SERGEF: variants seen among roughly 807,000 people sequenced by gnomAD.
SERGEF encodes secretion regulating guanine nucleotide exchange factor.
In SERGEF, 51 loss-of-function variants were observed where a neutral mutation model predicts 50.0. That is an observed-to-expected ratio of 1.02 (90% CI 0.81 to 1.29). SERGEF has a LOEUF of 1.29. Ranked by LOEUF, SERGEF falls within the 50% of genes most tolerant of loss-of-function variation. SERGEF has a pLI of 0.00. For synonymous variants in SERGEF, 205 were observed against 212.4 expected, an observed-to-expected ratio of 0.97 and a Z score of 0.30; for missense variants, 521 against 557.0, an observed-to-expected ratio of 0.94 and a Z score of 0.65.
At chr11:17,912,266 AG>A (rs1282083413) in intron 9 of SERGEF, among the ~76,000 whole-genome samples, 4 of 152,260 alleles carry the variant, frequency 2.6e-5, no homozygotes, top group African/African-American at 4.8e-5. Flanking sequence ...TAGATGCCAG[AG>A]AAAAGTCAAG....
At chr11:17,821,511 T>G (rs1168579688) in intron 10 of SERGEF, among the ~76,000 whole-genome samples, 1 of 152,150 alleles carries the variant, frequency 6.6e-6, no homozygotes, top group African/African-American at 2.4e-5. Flanking sequence ...GCTCCATACA[T>G]TTTTTTAAAT....
chr11:18,013,044 C>A lies in SERGEF; in HGVS notation c.-34G>T, dbSNP rs1237613382. ...GCTCCGCCGGCGCTTCCGGGAGGGACGGCACGGGGGCGGCGCCTGCCGGGG... is the reference window on the plus strand; with the variant it reads ...GCTCCGCCGGCGCTTCCGGGAGGGAAGGCACGGGGGCGGCGCCTGCCGGGG... On this transcript the variant is annotated 5_prime_UTR_variant, in exon 1 of 11. Transcript: ENST00000265965. This position sits in a 1 kb window ranked among gnomAD's most constrained non-coding sequence, Gnocchi z 4.3. The A allele has an allele frequency of 3.0e-6, 4 of 1,340,230 alleles. No individual in the cohort carries two copies. The highest frequency in any genetic ancestry group is 1.9e-5 in the South Asian group (1 of 51,982). The allele number at this position is 1,340,230 out of a possible 1,614,324, so 83.0% of individuals were successfully genotyped here.
intron 9 of SERGEF, among the ~76,000 whole-genome samples, chr11:17,952,348 A>G (rs1405641071): frequency 6.6e-6 from 1 of 152,194 alleles, no homozygotes; most frequent in Non-Finnish European, 1.5e-5. Flanking sequence ...AGTTCAATGA[A>G]AGCACTCTCT....
chr11:17,833,234 G>C (rs936288002), intron 10 of SERGEF, among the ~76,000 whole-genome samples: 1 of 152,174 alleles, frequency 6.6e-6, no homozygotes, highest in African/African-American at 2.4e-5. Context: ...GGCTGAAAGG[G>C]GCCAACGTAG....
intron 9 of SERGEF, among the ~76,000 whole-genome samples, chr11:17,910,532 C>A (rs1851932718): frequency 6.6e-6 from 1 of 152,170 alleles, no homozygotes; most frequent in Non-Finnish European, 1.5e-5. Flanking sequence ...GGGATTATAG[C>A]CATGAGCCAT....
At chr11:17,830,649 G>GGGGA (rs1850285342) in intron 10 of SERGEF, among the ~76,000 whole-genome samples, 3 of 77,726 alleles carry the variant, frequency 3.9e-5, no homozygotes, top group South Asian at 7.2e-4. Flanking sequence ...GGAGAGGGAG[G>GGGGA]GAGAGAGAGA....
intron 10 of SERGEF, among the ~76,000 whole-genome samples, chr11:17,803,514 C>G (rs1849707411): frequency 6.6e-6 from 1 of 152,214 alleles, no homozygotes; most frequent in South Asian, 2.1e-4. Flanking sequence ...CTGTATATAC[C>G]TAATTCTTGG....
intron 5 of SERGEF, among the ~76,000 whole-genome samples, chr11:17,996,865 G>C (rs1409963635): frequency 6.6e-6 from 1 of 151,196 alleles, no homozygotes; most frequent in Non-Finnish European, 1.5e-5. Context: ...ATAGCTGACA[G>C]GAGATGAATA....
intron 7 of SERGEF, among the ~76,000 whole-genome samples, chr11:17,989,790 T>C (rs2133997373): frequency 6.6e-6 from 1 of 152,336 alleles, no homozygotes; most frequent in South Asian, 2.1e-4. Flanking sequence ...AATGCTACTC[T>C]CTCACACAAT....
chr11:17,894,379 T>C (rs1377442376), intron 9 of SERGEF, among the ~76,000 whole-genome samples: 1 of 152,206 alleles, frequency 6.6e-6, no homozygotes, highest in African/African-American at 2.4e-5. Flanking sequence ...CCACATTTTA[T>C]AGATTAACTG....
chr11:17,967,420 ATGAG>A (rs1304767936), intron 8 of SERGEF, among the ~76,000 whole-genome samples: 3 of 152,210 alleles, frequency 2.0e-5, no homozygotes, highest in Non-Finnish European at 2.9e-5. Flanking sequence ...AGCCCAGCTG[ATGAG>A]TGAGTGAGCT....
chr11:17,947,771 G>A (rs919207527), intron 9 of SERGEF, among the ~76,000 whole-genome samples: 8 of 152,084 alleles, frequency 5.3e-5, no homozygotes, highest in Non-Finnish European at 1.2e-4. Context: ...CCAGGTTTTG[G>A]TTCCCTCATC....
At chr11:17,826,484 G>A (rs187962991) in intron 10 of SERGEF, among the ~76,000 whole-genome samples, 247 of 152,314 alleles carry the variant, frequency 1.6e-3, no homozygotes, top group African/African-American at 5.7e-3. Flanking sequence ...AGACACTGAG[G>A]AATTTGGAGC....
In SERGEF at chr11:17,888,801, G is replaced by A. The variant is rs975727970; in HGVS notation, c.1012-10557C>T. On this transcript the variant is annotated intron_variant, in intron 9 of 10. Coordinates refer to ENST00000265965, the MANE Select transcript of SERGEF (RefSeq NM_012139.4). The surrounding 1 kb of genome is among the most constrained non-coding windows in gnomAD (Gnocchi z 4.1). ...CAACTAAGAGGGATCAGAGCTCCTC[G>A]GAGAAAAGGCTGATTCTAGGGTTGG... Among the ~76,000 whole-genome samples, 11 of 152,120 alleles carry A rather than the reference G, an allele frequency of 7.2e-5. No individual in the cohort carries two copies. The highest frequency in any genetic ancestry group is 4.1e-4 in the South Asian group (2 of 4,824).
chr11:17,961,906 T>C (rs1158884483), intron 8 of SERGEF, among the ~76,000 whole-genome samples: 1 of 152,228 alleles, frequency 6.6e-6, no homozygotes, highest in African/African-American at 2.4e-5. Flanking sequence ...AACAGACATT[T>C]ACTGACCTCT....
chr11:17,869,595 T>C (rs1310347796), intron 10 of SERGEF, among the ~76,000 whole-genome samples: 1 of 152,092 alleles, frequency 6.6e-6, no homozygotes, highest in African/African-American at 2.4e-5. Context: ...GTGAACAAGC[T>C]CCCTTGGACC....
intron 9 of SERGEF, among the ~76,000 whole-genome samples, chr11:17,912,836 A>C (rs2237924): frequency 0.13 from 20,188 of 152,244 alleles, 1,719 homozygotes; most frequent in East Asian, 0.25. Flanking sequence ...CACAGCCTTC[A>C]TATTTTACAT....
chr11:18,011,046 C>T lies in SERGEF; in HGVS notation c.60+1905G>A, dbSNP rs571858969. 5.3e-5 allele frequency among the ~76,000 whole-genome samples: 8 copies of T among 152,096 alleles called. No homozygotes were observed. In the East Asian group the frequency reaches 5.8e-4, roughly 11 times the overall value. ...GCCCTAAATCCAGGATAAAGCAAGA[C>T]GAAGGGAAATTTAACACAACCTATT... On this transcript the variant is annotated intron_variant, in intron 1 of 10. Transcript: ENST00000265965.
intron 4 of SERGEF, among the ~76,000 whole-genome samples, chr11:18,001,376 C>A (rs946609311): frequency 6.6e-6 from 1 of 152,080 alleles, no homozygotes; most frequent in African/African-American, 2.4e-5. Flanking sequence ...AGAGTCTAGG[C>A]GAAAAAAGGC....
Sources: gnomAD v4.1 joint callset for allele counts (sites outside exome capture counted in the v4.1 genomes callset) on GRCh38, gnomAD v4.1.1 for gene constraint, Gnocchi (gnomAD v3.1) non-coding constraint, MANE v1.5 for transcripts, NCBI Gene and HGNC (gene_info 2026-07-23, HGNC 2026-07-21) for gene names.